The following DCDC2C variants were observed in gnomAD, a reference collection of about 807,000 sequenced individuals.
DCDC2C encodes doublecortin domain-containing protein 2C.
In DCDC2C, 44 loss-of-function variants were observed where a neutral mutation model predicts 45.0. The observed-to-expected ratio is 0.98, with a 90% confidence interval of 0.77 to 1.26. The LOEUF is 1.26. Among genes scored for constraint, DCDC2C ranks in the 50% most tolerant of loss-of-function variants. DCDC2C has a pLI of 0.00. For missense variants in DCDC2C, 447 were observed against 468.9 expected (o/e 0.95, Z 0.43); for synonymous variants, 187 against 178.8 (o/e 1.05, Z -0.37).
At chr2:3,803,902 C>G (rs1416676260) in intron 10 of DCDC2C, among the ~76,000 whole-genome samples, 3 of 152,232 alleles carry the variant, frequency 2.0e-5, no homozygotes, top group Non-Finnish European at 4.4e-5. Flanking sequence ...GCAGGTGACT[C>G]TTCCGTGTTT....
chr2:3,828,500 GCAT>G (rs1671880260), intron 10 of DCDC2C, among the ~76,000 whole-genome samples: 1 of 152,198 alleles, frequency 6.6e-6, no homozygotes, highest in Non-Finnish European at 1.5e-5. Flanking sequence ...CTACCCAACA[GCAT>G]CATAGTCCAA....
At chr2:3,841,799 G>C (rs892442834) in intron 10 of DCDC2C, among the ~76,000 whole-genome samples, 1 of 152,250 alleles carries the variant, frequency 6.6e-6, no homozygotes, top group East Asian at 1.9e-4. Flanking sequence ...CCTGCCTTTT[G>C]CTTGGCACAT....
At chr2:3,837,886 A>G (rs1397626167) in intron 10 of DCDC2C, among the ~76,000 whole-genome samples, 3 of 152,120 alleles carry the variant, frequency 2.0e-5, no homozygotes, top group Non-Finnish European at 2.9e-5. Flanking sequence ...GAGGATGCGG[A>G]CACATATCCC....
intron 10 of DCDC2C, among the ~76,000 whole-genome samples, chr2:3,785,400 G>T (rs1670623321): frequency 6.7e-6 from 1 of 148,528 alleles, no homozygotes; most frequent in African/African-American, 2.5e-5. Context: ...TTTTATGATT[G>T]CCTGGAAAAC....
intron 2 of DCDC2C, among the ~76,000 whole-genome samples, chr2:3,709,481 C>A (rs1668152438): frequency 1.3e-5 from 2 of 152,232 alleles, no homozygotes; most frequent in African/African-American, 4.8e-5. Flanking sequence ...GCACCAGCTT[C>A]CAGAAGCGTT....
At chr2:3,757,011 C>T (rs1310619405) in intron 6 of DCDC2C, among the ~76,000 whole-genome samples, 2 of 152,122 alleles carry the variant, frequency 1.3e-5, no homozygotes, top group African/African-American at 4.8e-5. Flanking sequence ...TCCATTGTTC[C>T]ATATATAAAG....
In DCDC2C at chr2:3,797,941, C is replaced by T. The variant is rs372531785; in HGVS notation, c.1065+12841C>T. 4.9e-4 allele frequency among the ~76,000 whole-genome samples: 74 copies of T among 150,596 alleles called. No individual in the cohort carries two copies. In the East Asian group the frequency reaches 0.014, roughly 29 times the overall value. Reference sequence around the variant, plus strand: ...GGGTATCCTTGTTGACTTTCTGTCTCATTGATCTGTCTAATGTTGACAGTG... The same window carrying T: ...GGGTATCCTTGTTGACTTTCTGTCTTATTGATCTGTCTAATGTTGACAGTG... On this transcript the variant is annotated intron_variant, in intron 10 of 10. Transcript: ENST00000399143.
At chr2:3,801,660 G>A (rs566905534) in intron 10 of DCDC2C, among the ~76,000 whole-genome samples, 4 of 152,376 alleles carry the variant, frequency 2.6e-5, no homozygotes, top group East Asian at 3.9e-4. Context: ...CCCCTGGCCC[G>A]GAGCCCAGCA....
chr2:3,835,508 C>G (rs1672052219), intron 10 of DCDC2C, among the ~76,000 whole-genome samples: 1 of 152,204 alleles, frequency 6.6e-6, no homozygotes. Context: ...GAGCGTGACT[C>G]TCACTTCCCG....
intron 10 of DCDC2C, among the ~76,000 whole-genome samples, chr2:3,799,602 T>C (rs1476698287): frequency 3.3e-5 from 5 of 152,410 alleles, no homozygotes; most frequent in African/African-American, 9.6e-5. Flanking sequence ...GACCCTCAGC[T>C]GCAGGTCTGT....
intron 6 of DCDC2C, among the ~76,000 whole-genome samples, chr2:3,762,355 G>A (rs1192645822): frequency 6.6e-6 from 1 of 152,138 alleles, no homozygotes; most frequent in Non-Finnish European, 1.5e-5. Context: ...GTGTGCAGAG[G>A]GGGTACTGGG....
At chr2:3,712,474 A>G (rs1205240833) in intron 2 of DCDC2C, among the ~76,000 whole-genome samples, 1 of 145,036 alleles carries the variant, frequency 6.9e-6, no homozygotes, top group Non-Finnish European at 1.5e-5. Flanking sequence ...TAGACCAGCA[A>G]GACCCTATCT....
chr2:3,845,099 TCTCAA>T (rs1350311464), intron 10 of DCDC2C, among the ~76,000 whole-genome samples: 2 of 152,204 alleles, frequency 1.3e-5, no homozygotes, highest in Non-Finnish European at 2.9e-5. Flanking sequence ...GCGAATGGAC[TCTCAA>T]CTCAATATAC....
In DCDC2C at chr2:3,726,971, T is replaced by C. The variant is rs759034944; in HGVS notation, c.340-32T>C. The C allele has an allele frequency of 6.5e-6, 10 of 1,542,376 alleles. No homozygotes were observed. The Middle Eastern group carries it at 1.2e-3, about 181-fold the overall frequency. ...TTGATGAGTGTTGGCTAATTTGAAC[T>C]GAATTCCCAGGTGTGTTTTTTCCTT... On this transcript the variant is annotated intron_variant, in intron 2 of 10. Coordinates refer to ENST00000399143, the MANE Select transcript of DCDC2C (RefSeq NM_001287444.2).
chr2:3,745,099 C>A (rs1204938137), intron 4 of DCDC2C, among the ~76,000 whole-genome samples: 1 of 152,160 alleles, frequency 6.6e-6, no homozygotes, highest in Non-Finnish European at 1.5e-5. Context: ...GATTTTCATG[C>A]CTCAGCCTCT....
rs1410033783 is a variant in DCDC2C, at chr2:3,755,141, GTGTGTATGTATGGATGCA to G, written c.726+531_726+548del. Among the ~76,000 whole-genome samples, 368 of 152,230 alleles carry G rather than the reference GTGTGTATGTATGGATGCA, an allele frequency of 2.4e-3. 2 individuals are homozygous for G. Among genetic ancestry groups the G allele is most frequent in the African/African-American group, 8.6e-3 (355 of 41,516 alleles). On this transcript the variant is annotated intron_variant, in intron 6 of 10. Coordinates refer to ENST00000399143, the MANE Select transcript of DCDC2C (RefSeq NM_001287444.2). Reference sequence around the variant, plus strand: ...TAAATACATGTGTGTGGAGGCATGTGTGTGTATGTATGGATGCATGTGTATGTATGGATGCATGTGTGT... The same window carrying G: ...TAAATACATGTGTGTGGAGGCATGTGTGTGTATGTATGGATGCATGTGTGT...
chr2:3,829,994 G>T (rs1239294545), intron 10 of DCDC2C, among the ~76,000 whole-genome samples: 1 of 152,246 alleles, frequency 6.6e-6, no homozygotes, highest in Non-Finnish European at 1.5e-5. Flanking sequence ...CTGTGAAGAA[G>T]CCGTCAGGGC....
intron 10 of DCDC2C, among the ~76,000 whole-genome samples, chr2:3,831,284 T>C (rs1377746998): frequency 6.6e-6 from 1 of 152,230 alleles, no homozygotes; most frequent in Non-Finnish European, 1.5e-5. Context: ...GGGTGTGTTC[T>C]GAGAAATGCT....
In DCDC2C at chr2:3,703,787, C is replaced by G. The variant is rs1422509872; in HGVS notation, c.36C>G (p.Thr12=). The G allele has an allele frequency of 1.6e-6, 2 of 1,239,260 alleles. No homozygotes were observed. The highest frequency in any genetic ancestry group is 2.0e-6 in the Non-Finnish European group (2 of 989,618). 76.8% of individuals were successfully genotyped at this position (1,239,260 alleles called of 1,614,324 possible). A position where few individuals can be genotyped will look rare whatever the true frequency, so the allele number is the denominator to read the frequency against. Residue 12 remains threonine (T), a synonymous_variant, in exon 1 of 11, where the codon ACC becomes ACG. Transcript: ENST00000399143. The surrounding 1 kb of genome is among the most constrained non-coding windows in gnomAD (Gnocchi z 4.4). ...GCGGGCCCTCCGCGCCGGTGGACAC[C>G]ACGCCCGCCAAGACCATCGTGGTGT... ...GTRGPSAPVD[T]TPAKTIVVYR...
Sources: gnomAD v4.1 joint callset for allele counts (sites outside exome capture counted in the v4.1 genomes callset) on GRCh38, gnomAD v4.1.1 for gene constraint, Gnocchi (gnomAD v3.1) non-coding constraint, MANE v1.5 for transcripts, NCBI Gene and HGNC (gene_info 2026-07-23, HGNC 2026-07-21) for gene names.